SYT16: variants seen among roughly 807,000 people sequenced by gnomAD.
The protein encoded by SYT16 is synaptotagmin-16.
SYT16 carries 42 observed loss-of-function variants against 61.4 expected under a neutral mutation model. That is an observed-to-expected ratio of 0.68 (90% CI 0.53 to 0.89). SYT16 has a LOEUF of 0.89. Ranked by LOEUF, SYT16 falls within the 40% of genes least tolerant of loss-of-function variation. The pLI, the probability that SYT16 is intolerant of heterozygous loss-of-function variation, is 0.00. For synonymous variants in SYT16, 314 were observed against 302.3 expected (o/e 1.04, Z -0.40); for missense variants, 804 against 807.3 (o/e 1.00, Z 0.05).
chr14:62,072,500 G>A (rs2056337887), intron 4 of SYT16, among the ~76,000 whole-genome samples: 1 of 152,160 alleles, frequency 6.6e-6, no homozygotes, highest in Non-Finnish European at 1.5e-5. Context: ...TGTTGGGAAA[G>A]GTAGGGGGAA....
chr14:61,864,989 A>G (rs2047096338), intron 1 of SYT16: 21 of 1,396,674 alleles, frequency 1.5e-5, no homozygotes, highest in Non-Finnish European at 2.1e-5. Context: ...CCCCTCTTAC[A>G]GTGGCAGCCT....
In SYT16 at chr14:61,979,968, A is replaced by G. The variant is rs376146555; in HGVS notation, c.-145+9657A>G. On this transcript the variant is annotated intron_variant, in intron 2 of 7. Coordinates refer to ENST00000683842, the MANE Select transcript of SYT16 (RefSeq NM_001367656.1). Reference sequence around the variant, plus strand: ...TTTAGAATTAAGTTTTCAATCCCCAATTGTTTTAGAATTAAGGATTGAATG... The same window carrying G: ...TTTAGAATTAAGTTTTCAATCCCCAGTTGTTTTAGAATTAAGGATTGAATG... Among the ~76,000 whole-genome samples, 94 of 152,344 alleles carry G rather than the reference A, an allele frequency of 6.2e-4. 1 individual carries two copies. Among genetic ancestry groups the G allele is most frequent in the Non-Finnish European group, 9.1e-4 (62 of 68,024 alleles).
intron 1 of SYT16, chr14:61,832,082 G>C: frequency 1.4e-6 from 1 of 725,430 alleles, no homozygotes; most frequent in South Asian, 1.4e-5. Context: ...ACTCGTTCAC[G>C]CCCCTGTTCA....
At chr14:61,983,579 G>A (rs188990903) in intron 2 of SYT16, among the ~76,000 whole-genome samples, 2 of 152,298 alleles carry the variant, frequency 1.3e-5, no homozygotes, top group Admixed American at 6.5e-5. Context: ...AGGCTGGAGT[G>A]CAGTGGTGTG....
At chr14:61,850,293 C>T (rs2140269866) in intron 1 of SYT16, among the ~76,000 whole-genome samples, 1 of 152,054 alleles carries the variant, frequency 6.6e-6, no homozygotes, top group East Asian at 1.9e-4. Flanking sequence ...TGCCACCATG[C>T]CTGGCTAATT....
chr14:62,060,796 C>A (rs955761071), intron 3 of SYT16, among the ~76,000 whole-genome samples: 4 of 151,592 alleles, frequency 2.6e-5, no homozygotes. Flanking sequence ...CTTGTAATGT[C>A]TTTGTTAGAA....
intron 1 of SYT16, chr14:61,832,153 G>C (rs1158709995): frequency 1.9e-5 from 13 of 696,838 alleles, no homozygotes; most frequent in Admixed American, 1.7e-4. Flanking sequence ...TCCGTGGAGC[G>C]GTTGCTCCAG....
At chr14:61,918,498 A>G (rs1386105329) in intron 1 of SYT16, among the ~76,000 whole-genome samples, 1 of 152,164 alleles carries the variant, frequency 6.6e-6, no homozygotes, top group African/African-American at 2.4e-5. Flanking sequence ...GACTGAGGGA[A>G]TAAATGATGG....
chr14:61,939,837 C>A (rs149932964), intron 1 of SYT16, among the ~76,000 whole-genome samples: 2 of 152,050 alleles, frequency 1.3e-5, no homozygotes, highest in Non-Finnish European at 2.9e-5. Flanking sequence ...CATCCCAGGC[C>A]CTCACTGTAC....
chr14:62,049,867 G>C (rs2055188413), intron 3 of SYT16, among the ~76,000 whole-genome samples: 1 of 152,132 alleles, frequency 6.6e-6, no homozygotes, highest in Non-Finnish European at 1.5e-5. Flanking sequence ...GCTTCCCTTT[G>C]TGGGTAACCC....
At chr14:61,888,615 A>C (rs2048003673) in intron 1 of SYT16, among the ~76,000 whole-genome samples, 2 of 152,228 alleles carry the variant, frequency 1.3e-5, no homozygotes, top group African/African-American at 2.4e-5. Flanking sequence ...CACTGATCAC[A>C]GATCACCATG....
rs2056225241 is a variant in SYT16, at chr14:62,069,818, A to G, written c.736+3A>G. Reference sequence around the variant, plus strand: ...CACAGAAGTATCTGCCTGCGAAGGTATCCTTTGCCTCACATCCTTTCTTTA... The same window carrying G: ...CACAGAAGTATCTGCCTGCGAAGGTGTCCTTTGCCTCACATCCTTTCTTTA... On this transcript the variant is annotated splice_donor_region_variant and intron_variant, in intron 4 of 7. Transcript: ENST00000683842. 1 of 1,613,284 alleles carries G rather than the reference A, an allele frequency of 6.2e-7. No individual in the cohort carries two copies.
chr14:61,820,393 G>A (rs989846111), intron 1 of SYT16, among the ~76,000 whole-genome samples: 13 of 150,580 alleles, frequency 8.6e-5, no homozygotes, highest in African/African-American at 3.2e-4. Context: ...TCTGGGCTTC[G>A]TGGCCTACCC....
intron 7 of SYT16, among the ~76,000 whole-genome samples, chr14:62,090,166 A>G (rs1454989360): frequency 6.6e-6 from 1 of 152,250 alleles, no homozygotes; most frequent in Non-Finnish European, 1.5e-5. Flanking sequence ...GTCTCCTTCT[A>G]CAGTGTATTA....
chr14:62,080,764 G>T (rs1319983760), intron 5 of SYT16, 70 bp from the exon 6 acceptor site: 25 of 1,472,654 alleles, frequency 1.7e-5, no homozygotes, highest in Non-Finnish European at 2.1e-5. Context: ...GCACAAAGGG[G>T]CACCAACTGG....
chr14:61,873,532 A>G (rs1000357162), intron 1 of SYT16, among the ~76,000 whole-genome samples: 10 of 152,284 alleles, frequency 6.6e-5, no homozygotes, highest in South Asian at 6.2e-4. Flanking sequence ...CAGAATATTC[A>G]CCTGAAAATG....
At chr14:61,935,300 C>T (rs1381298310) in intron 1 of SYT16, among the ~76,000 whole-genome samples, 1 of 152,216 alleles carries the variant, frequency 6.6e-6, no homozygotes, top group East Asian at 1.9e-4. Flanking sequence ...ATTTCTCCTA[C>T]GCAGATGCCC....
chr14:61,877,678 C>T (rs1005634582), intron 1 of SYT16, among the ~76,000 whole-genome samples: 3 of 152,164 alleles, frequency 2.0e-5, no homozygotes, highest in Admixed American at 6.5e-5. Context: ...TCATTTCTGT[C>T]CAGAGTTGAG....
intron 1 of SYT16, among the ~76,000 whole-genome samples, chr14:61,893,963 G>C (rs557683823): frequency 7.2e-5 from 11 of 152,160 alleles, no homozygotes; most frequent in African/African-American, 1.2e-4. Flanking sequence ...TAAGGAGAAG[G>C]CTCCTCAGTT....
Sources: allele counts gnomAD v4.1 joint callset (sites outside exome capture counted in the v4.1 genomes callset), GRCh38; gene constraint gnomAD v4.1.1; transcripts MANE v1.5; gene names NCBI Gene and HGNC (gene_info 2026-07-23, HGNC 2026-07-21).